Variants in PDE4D observed in about 807,000 individuals in gnomAD.
The protein encoded by PDE4D is 3',5'-cyclic-AMP phosphodiesterase 4D.
PDE4D carries 24 observed loss-of-function variants against 87.4 expected under a neutral mutation model. The ratio of observed to expected loss-of-function variants is 0.27; its 90% CI spans 0.20 to 0.39. PDE4D has a LOEUF of 0.39. Among genes scored for constraint, PDE4D ranks in the 10% least tolerant of loss-of-function variants. The pLI is 1.00. For missense variants in PDE4D, 714 were observed against 1,041.0 expected (o/e 0.69, Z 4.32); for synonymous variants, 384 against 383.2 (o/e 1.00, Z -0.02).
chr5:59,307,048 T>G, intron 1 of PDE4D, among the ~76,000 whole-genome samples: 1 of 89,022 alleles, frequency 1.1e-5, no homozygotes, highest in Non-Finnish European at 2.0e-5. Context: ...CCCTCAGAAA[T>G]AATGCCGCAT....
At chr5:59,074,780 G>T (rs1215696252) in intron 5 of PDE4D, among the ~76,000 whole-genome samples, 1 of 151,944 alleles carries the variant, frequency 6.6e-6, no homozygotes, top group Non-Finnish European at 1.5e-5. Context: ...AGAGAGTCTA[G>T]CCTAAACCCC....
At chr5:59,093,725 G>T (rs955121211) in intron 5 of PDE4D, among the ~76,000 whole-genome samples, 1 of 152,224 alleles carries the variant, frequency 6.6e-6, no homozygotes, top group Non-Finnish European at 1.5e-5. Flanking sequence ...ATATGCACCT[G>T]TATATGTCTT....
intron 1 of PDE4D, among the ~76,000 whole-genome samples, chr5:60,246,523 A>G (rs760200958): frequency 2.0e-5 from 3 of 151,732 alleles, no homozygotes; most frequent in African/African-American, 7.3e-5. Flanking sequence ...TTCAAATTAT[A>G]TTACAGTCTA....
intron 2 of PDE4D, among the ~76,000 whole-genome samples, chr5:60,146,619 A>G (rs535773303): frequency 3.3e-5 from 5 of 152,354 alleles, no homozygotes; most frequent in African/African-American, 1.2e-4. Flanking sequence ...GCAAATGTAC[A>G]TAAATGGGAA....
intron 1 of PDE4D, among the ~76,000 whole-genome samples, chr5:59,525,573 G>A (rs541827100): frequency 6.6e-6 from 1 of 152,306 alleles, no homozygotes; most frequent in East Asian, 1.9e-4. Flanking sequence ...GAGACTCTTG[G>A]GAAGGCATAA....
intron 1 of PDE4D, among the ~76,000 whole-genome samples, chr5:59,537,343 A>AT (rs1815471585): frequency 6.6e-6 from 1 of 152,232 alleles, no homozygotes; most frequent in South Asian, 2.1e-4. Flanking sequence ...GGTATGTCAC[A>AT]TGAGTAGGTT....
intron 1 of PDE4D, among the ~76,000 whole-genome samples, chr5:59,876,904 GACA>G (rs1449064070): frequency 2.0e-5 from 3 of 151,900 alleles, no homozygotes; most frequent in African/African-American, 7.3e-5. Context: ...AAAAGGATAG[GACA>G]ACAACAACAA....
chr5:59,200,376 C>A (rs1746899184), intron 2 of PDE4D, among the ~76,000 whole-genome samples: 1 of 59,920 alleles, frequency 1.7e-5, no homozygotes, highest in Non-Finnish European at 3.1e-5. Flanking sequence ...TACAGCTACA[C>A]GTATACATAC....
intron 1 of PDE4D, among the ~76,000 whole-genome samples, chr5:59,456,322 A>G (rs1208233201): frequency 2.0e-5 from 3 of 152,170 alleles, no homozygotes; most frequent in African/African-American, 4.8e-5. Context: ...GTCTCATAAG[A>G]TCTGATGGCT....
intron 5 of PDE4D, among the ~76,000 whole-genome samples, chr5:59,131,558 C>T (rs1580969542): frequency 6.7e-6 from 1 of 149,202 alleles, no homozygotes; most frequent in East Asian, 2.0e-4. Flanking sequence ...GTTTTACTGG[C>T]CCTTGGTTAA....
At position 60,307,720 on chromosome 5, in the gene PDE4D, C is replaced by A. The variant is rs145925261; in HGVS notation, c.-89-122033G>T. Among the ~76,000 whole-genome samples, 317 of 151,738 alleles carry A rather than the reference C, an allele frequency of 2.1e-3. 1 individual carries two copies. Among genetic ancestry groups the A allele is most frequent in the African/African-American group, 6.9e-3 (284 of 41,354 alleles). ...TAGCAAAGGAAATATTAGGTTGGTG[C>A]AAAAGTAATTGCTGTTTTTGCTATG... is the stretch of plus-strand genomic sequence containing the variant. On this transcript the variant is annotated intron_variant, in intron 1 of 16. Coordinates refer to the PDE4D transcript ENST00000502484.
At chr5:59,450,401 C>T (rs976173449) in intron 1 of PDE4D, among the ~76,000 whole-genome samples, 4 of 151,850 alleles carry the variant, frequency 2.6e-5, no homozygotes, top group African/African-American at 9.7e-5. Flanking sequence ...ACAAAAGGAA[C>T]CTGGTGGGTC....
chr5:60,123,496 A>C (rs1218134228), intron 2 of PDE4D, among the ~76,000 whole-genome samples: 2 of 152,138 alleles, frequency 1.3e-5, no homozygotes, highest in East Asian at 3.9e-4. Context: ...AGATCTTGTG[A>C]CACTTATTCA....
At chr5:59,156,830 C>A (rs1339026392) in intron 5 of PDE4D, among the ~76,000 whole-genome samples, 1 of 152,010 alleles carries the variant, frequency 6.6e-6, no homozygotes, top group Non-Finnish European at 1.5e-5. Context: ...AGAATATATA[C>A]ACAGCAACTA....
At chr5:60,228,647 A>T (rs1278747523) in intron 1 of PDE4D, among the ~76,000 whole-genome samples, 2 of 152,040 alleles carry the variant, frequency 1.3e-5, no homozygotes, top group Non-Finnish European at 2.9e-5. Context: ...AAGGATTAAG[A>T]AGGCCTGGAA....
At chr5:59,421,844 C>T (rs1794529758) in intron 1 of PDE4D, among the ~76,000 whole-genome samples, 1 of 152,030 alleles carries the variant, frequency 6.6e-6, no homozygotes, top group African/African-American at 2.4e-5. Flanking sequence ...TGTCTGATTA[C>T]TTTTGTACTC....
chr5:59,594,003 T>G lies in PDE4D; in HGVS notation c.455+299165A>C, dbSNP rs1826279027. On this transcript the variant is annotated intron_variant, in intron 1 of 14. Transcript: ENST00000340635. ...CAGAGCCTAACCTGCTGGGGTTTTT[T>G]GTTCCATTTTGTTTTGTTATATTAG... 3.3e-5 allele frequency among the ~76,000 whole-genome samples: 5 copies of G among 152,274 alleles called. No homozygotes were observed. The South Asian group carries it at 1.0e-3, about 32-fold the overall frequency.
At chr5:59,498,817 CA>C (rs1807706388) in intron 1 of PDE4D, among the ~76,000 whole-genome samples, 1 of 151,916 alleles carries the variant, frequency 6.6e-6, no homozygotes. Flanking sequence ...CTTTCATGGC[CA>C]CCCAATAATA....
chr5:59,099,135 G>A (rs1206876138), intron 5 of PDE4D, among the ~76,000 whole-genome samples: 2 of 152,212 alleles, frequency 1.3e-5, no homozygotes, highest in East Asian at 3.8e-4. Context: ...AGCACCAGCA[G>A]TCTTTGTCAC....
Sources: gnomAD v4.1 joint callset for allele counts (sites outside exome capture counted in the v4.1 genomes callset) on GRCh38, gnomAD v4.1.1 for gene constraint, MANE v1.5 for transcripts, NCBI Gene and HGNC (gene_info 2026-07-23, HGNC 2026-07-21) for gene names.